The following IL1RAPL2 variants were observed in gnomAD, a reference collection of about 807,000 sequenced individuals.
IL1RAPL2 encodes the protein interleukin 1 receptor accessory protein like 2, also known as X-linked interleukin-1 receptor accessory protein-like 2.
Under a neutral mutation model 44.1 loss-of-function variants are expected in IL1RAPL2, and 3 were observed. The observed-to-expected ratio is 0.07, with a 90% CI of 0.03 to 0.18. IL1RAPL2 has a LOEUF of 0.18. Among genes scored for constraint, IL1RAPL2 ranks in the 10% least tolerant of loss-of-function variants. The pLI, the probability that IL1RAPL2 is intolerant of heterozygous loss-of-function variation, is 1.00. For missense variants in IL1RAPL2, 391 were observed against 496.4 expected (o/e 0.79, Z 2.02); for synonymous variants, 181 against 178.8 (o/e 1.01, Z -0.10).
At chrX:105,205,587 TA>T (rs375473348) in intron 3 of IL1RAPL2, among the ~76,000 whole-genome samples, 10 of 8,212 alleles carry the variant, frequency 1.2e-3, no homozygotes, top group African/African-American at 1.5e-3. Flanking sequence ...AAGACTCTGT[TA>T]AAAAAAAAAA....
intron 5 of IL1RAPL2, among the ~76,000 whole-genome samples, chrX:105,330,137 G>A (rs1011327113): frequency 9.0e-6 from 1 of 110,943 alleles, no homozygotes; most frequent in Non-Finnish European, 1.9e-5. Context: ...TAATTTACAT[G>A]GACATTAAAG....
chrX:105,270,495 G>A (rs1031656841), intron 5 of IL1RAPL2, among the ~76,000 whole-genome samples: 3 of 111,654 alleles, frequency 2.7e-5, no homozygotes, highest in African/African-American at 9.7e-5. Context: ...TACATGCCAG[G>A]CAACAAGCTA....
intron 2 of IL1RAPL2, among the ~76,000 whole-genome samples, chrX:105,140,828 T>C (rs1198286543): frequency 8.9e-6 from 1 of 111,904 alleles, no homozygotes; most frequent in African/African-American, 3.3e-5. Context: ...ATTAGGGGTA[T>C]GAGAAATGGA....
chrX:104,669,595 T>C (rs556716781), intron 2 of IL1RAPL2, among the ~76,000 whole-genome samples: 1 of 111,789 alleles, frequency 8.9e-6, no homozygotes, highest in South Asian at 3.7e-4. Flanking sequence ...CCTGTGCAAG[T>C]ACCACTCCCA....
intron 2 of IL1RAPL2, among the ~76,000 whole-genome samples, chrX:105,039,847 T>C (rs976765226): frequency 7.2e-5 from 8 of 111,058 alleles, no homozygotes; most frequent in African/African-American, 2.6e-4. Context: ...TTGACTTCCT[T>C]TTTTCCTAAT....
intron 2 of IL1RAPL2, among the ~76,000 whole-genome samples, chrX:105,046,658 A>G (rs902826454): frequency 1.8e-5 from 2 of 111,242 alleles, no homozygotes; most frequent in Admixed American, 1.9e-4. Context: ...ATTTTAAATA[A>G]AAGAGGTTGG....
At chrX:105,377,245 T>C (rs2035394384) in intron 5 of IL1RAPL2, among the ~76,000 whole-genome samples, 1 of 111,673 alleles carries the variant, frequency 9.0e-6, no homozygotes, top group Non-Finnish European at 1.9e-5. Context: ...TTAGCATAGA[T>C]TGATCTAATC....
intron 5 of IL1RAPL2, among the ~76,000 whole-genome samples, chrX:105,404,328 C>G (rs911926624): frequency 8.9e-6 from 1 of 111,855 alleles, no homozygotes; most frequent in Non-Finnish European, 1.9e-5. Flanking sequence ...CCATGTTAAG[C>G]CTTACAGATC....
intron 2 of IL1RAPL2, among the ~76,000 whole-genome samples, chrX:104,975,988 G>A (rs1289775277): frequency 9.0e-6 from 1 of 111,119 alleles, no homozygotes; most frequent in Non-Finnish European, 1.9e-5. Flanking sequence ...TGGAAATAAC[G>A]AGAGCCAGTA....
At chrX:104,677,682 G>A (rs1003897901) in intron 2 of IL1RAPL2, among the ~76,000 whole-genome samples, 4 of 112,303 alleles carry the variant, frequency 3.6e-5, no homozygotes, top group African/African-American at 9.7e-5. Flanking sequence ...AATGGCGGGC[G>A]CCCCTCCCCC....
Position 104,761,932 on chromosome X carries a change from T to C in IL1RAPL2, c.82+102937T>C, listed in dbSNP as rs868055444. Among the ~76,000 whole-genome samples, 20 of 39,701 alleles carry C rather than the reference T, an allele frequency of 5.0e-4. 2 individuals carry two copies. The highest frequency in any genetic ancestry group is 2.1e-3 in the East Asian group (4 of 1,861). 34.5% of individuals were successfully genotyped at this position (39,701 alleles called of 115,157 possible). A position where few individuals can be genotyped will look rare whatever the true frequency, so the allele number is the denominator to read the frequency against. ...TTCTCCTTCTCCTTCTCCTTCTTCTTCTTCTTCTTCTTCTTCTTCTTCTTC... is the reference window on the plus strand; with the variant it reads ...TTCTCCTTCTCCTTCTCCTTCTTCTCCTTCTTCTTCTTCTTCTTCTTCTTC... On this transcript the variant is annotated intron_variant, in intron 2 of 10. Coordinates refer to ENST00000372582, the MANE Select transcript of IL1RAPL2 (RefSeq NM_017416.2).
chrX:105,667,521 G>A (rs1450687908), intron 6 of IL1RAPL2, among the ~76,000 whole-genome samples: 1 of 111,595 alleles, frequency 9.0e-6, no homozygotes, highest in Non-Finnish European at 1.9e-5. Flanking sequence ...CCATATAACA[G>A]TTTGTCTTAG....
chrX:105,307,214 G>A (rs554742941), intron 5 of IL1RAPL2, among the ~76,000 whole-genome samples: 46 of 105,096 alleles, frequency 4.4e-4, no homozygotes, highest in Middle Eastern at 4.9e-3. Flanking sequence ...GATTTGGGTC[G>A]GGACACAGAA....
At chrX:105,426,529 C>T (rs778714012) in intron 5 of IL1RAPL2, among the ~76,000 whole-genome samples, 1 of 111,218 alleles carries the variant, frequency 9.0e-6, no homozygotes, top group East Asian at 2.8e-4. Flanking sequence ...TTGTTATTCT[C>T]TCTCATTTTA....
In IL1RAPL2 at chrX:104,788,002, A is replaced by G. The variant is rs770189817; in HGVS notation, c.82+129007A>G. Among the ~76,000 whole-genome samples the G allele has an allele frequency of 4.2e-3, 466 of 111,651 alleles. 4 individuals are homozygous for G. The highest frequency in any genetic ancestry group is 0.015 in the African/African-American group (450 of 30,720). ...TATAAGCCAGGTGTAATGGTCCTCA[A>G]TGCATCTTGGAACTGACCAGAAATC... On this transcript the variant is annotated intron_variant, in intron 2 of 10. Coordinates refer to ENST00000372582, the MANE Select transcript of IL1RAPL2 (RefSeq NM_017416.2).
At chrX:104,947,899 G>T (rs1925434678) in intron 2 of IL1RAPL2, among the ~76,000 whole-genome samples, 1 of 111,724 alleles carries the variant, frequency 9.0e-6, no homozygotes, top group South Asian at 3.7e-4. Flanking sequence ...TGGTGATGTG[G>T]GCTCTTTTTT....
intron 2 of IL1RAPL2, among the ~76,000 whole-genome samples, chrX:104,677,514 G>T (rs980114658): frequency 1.8e-5 from 2 of 111,512 alleles, no homozygotes; most frequent in African/African-American, 3.3e-5. Flanking sequence ...GTCAGACAGG[G>T]ACATTTAAGT....
intron 5 of IL1RAPL2, among the ~76,000 whole-genome samples, chrX:105,455,052 T>C (rs1478614331): frequency 1.8e-5 from 2 of 111,527 alleles, no homozygotes; most frequent in South Asian, 3.8e-4. Context: ...TTAAGATACA[T>C]ATATAGGAAA....
At chrX:105,159,886 G>A (rs1187740649) in intron 2 of IL1RAPL2, among the ~76,000 whole-genome samples, 3 of 110,400 alleles carry the variant, frequency 2.7e-5, no homozygotes, top group Non-Finnish European at 3.8e-5. Flanking sequence ...TTTAAAATTC[G>A]TGTAGCCCAG....
Sources: gnomAD v4.1 joint callset for allele counts (sites outside exome capture counted in the v4.1 genomes callset) on GRCh38, gnomAD v4.1.1 for gene constraint, MANE v1.5 for transcripts, NCBI Gene and HGNC (gene_info 2026-07-23, HGNC 2026-07-21) for gene names.